LAMA2: variants seen among roughly 807,000 people sequenced by gnomAD.
LAMA2 encodes laminin subunit alpha-2.
LAMA2 carries 269 observed loss-of-function variants against 364.8 expected under a neutral mutation model. The ratio of observed to expected loss-of-function variants is 0.74; its 90% CI spans 0.67 to 0.82. The LOEUF is 0.82. Ranked by LOEUF, LAMA2 falls within the 40% of genes least tolerant of loss-of-function variation. The pLI, the probability that LAMA2 is intolerant of heterozygous loss-of-function variation, is 0.00. For synonymous variants in LAMA2, 1,379 were observed against 1,370.6 expected (o/e 1.01, Z -0.14); for missense variants, 3,807 against 3,873.2 (o/e 0.98, Z 0.45).
chr6:128,915,167 C>T (rs1778232336), intron 1 of LAMA2, among the ~76,000 whole-genome samples: 1 of 152,104 alleles, frequency 6.6e-6, no homozygotes, highest in Non-Finnish European at 1.5e-5. Context: ...GCTATGTACT[C>T]ACTATTTGGC....
chr6:129,091,234 T>A (rs1774805991), intron 3 of LAMA2, among the ~76,000 whole-genome samples: 1 of 152,196 alleles, frequency 6.6e-6, no homozygotes, highest in South Asian at 2.1e-4. Context: ...TCAAATACTG[T>A]CCCTTGAAGA....
In LAMA2 at chr6:129,437,517, C is replaced by G. The variant is rs528542067; in HGVS notation, c.5969-1129C>G. Among the ~76,000 whole-genome samples the G allele has an allele frequency of 2.6e-5, 4 of 152,012 alleles. No individual in the cohort carries two copies. The South Asian group carries it at 6.2e-4, about 24-fold the overall frequency. On this transcript the variant is annotated intron_variant, in intron 41 of 64. Coordinates refer to ENST00000421865, the MANE Select transcript of LAMA2 (RefSeq NM_000426.4). Reference sequence around the variant, plus strand: ...GGTCCTCCTCACTTGGGGACTCTGTCTTGTATTTACATGTTGCATTTCTGT... The same window carrying G: ...GGTCCTCCTCACTTGGGGACTCTGTGTTGTATTTACATGTTGCATTTCTGT...
intron 28 of LAMA2, among the ~76,000 whole-genome samples, chr6:129,324,938 G>A (rs1482925267): frequency 6.6e-6 from 1 of 152,138 alleles, no homozygotes; most frequent in Non-Finnish European, 1.5e-5. Flanking sequence ...TACATACAAA[G>A]TGGTGAAACA....
intron 3 of LAMA2, among the ~76,000 whole-genome samples, chr6:129,080,023 G>C (rs543112126): frequency 6.6e-6 from 1 of 151,992 alleles, no homozygotes; most frequent in Non-Finnish European, 1.5e-5. Context: ...TAATTTAAAT[G>C]TAACATATGA....
At chr6:129,192,127 G>A (rs1364066677) in intron 11 of LAMA2, among the ~76,000 whole-genome samples, 1 of 152,206 alleles carries the variant, frequency 6.6e-6, no homozygotes, top group African/African-American at 2.4e-5. Context: ...ATATCCTTAA[G>A]CCTCAAAGTA....
chr6:129,352,474 G>T (rs924053170), intron 31 of LAMA2, among the ~76,000 whole-genome samples: 7 of 152,280 alleles, frequency 4.6e-5, no homozygotes, highest in Middle Eastern at 3.4e-3. Flanking sequence ...ATGGCAAAAA[G>T]AAAAGATGAA....
At chr6:129,326,721 A>G (rs12332809) in intron 28 of LAMA2, among the ~76,000 whole-genome samples, 2,058 of 145,378 alleles carry the variant, frequency 0.014, 43 homozygotes, top group African/African-American at 0.044. Context: ...ACATATTTAT[A>G]TATTATATAT....
chr6:129,468,967 G>T (rs1290855653), intron 51 of LAMA2, among the ~76,000 whole-genome samples: 1 of 151,882 alleles, frequency 6.6e-6, no homozygotes, highest in East Asian at 1.9e-4. Context: ...GGTAGGAGGG[G>T]TGGAAGCAGT....
intron 8 of LAMA2, among the ~76,000 whole-genome samples, chr6:129,165,088 T>A (rs1415291828): frequency 6.6e-6 from 1 of 152,138 alleles, no homozygotes; most frequent in African/African-American, 2.4e-5. Flanking sequence ...ACACTCTGAT[T>A]TATAGTAGCA....
At chr6:129,481,133 T>G in intron 54 of LAMA2, 130 bp from the exon 55 acceptor site, 1 of 735,684 alleles carries the variant, frequency 1.4e-6, no homozygotes. Context: ...CTTTCCATGT[T>G]TTCCTGCTTT....
At chr6:128,989,638 T>C (rs1431913492) in intron 1 of LAMA2, among the ~76,000 whole-genome samples, 1 of 152,224 alleles carries the variant, frequency 6.6e-6, no homozygotes, top group Non-Finnish European at 1.5e-5. Context: ...AATGGTAACT[T>C]TATTCTTCAC....
chr6:128,883,801 TACAC>T (rs71543146), intron 1 of LAMA2, among the ~76,000 whole-genome samples: 11,047 of 135,726 alleles, frequency 0.081, 490 homozygotes, highest in Middle Eastern at 0.12. Context: ...TATATATATA[TACAC>T]ACACACACAC....
At chr6:129,394,487 A>G (rs1424832341) in intron 37 of LAMA2, among the ~76,000 whole-genome samples, 1 of 152,194 alleles carries the variant, frequency 6.6e-6, no homozygotes, top group Non-Finnish European at 1.5e-5. Context: ...TCATTCTGGT[A>G]GAATATTGAA....
At chr6:129,096,455 A>G (rs373414235) in intron 3 of LAMA2, among the ~76,000 whole-genome samples, 17 of 152,286 alleles carry the variant, frequency 1.1e-4, no homozygotes, top group African/African-American at 3.8e-4. Context: ...TCCTCTCCCA[A>G]AATGTCTTGG....
intron 61 of LAMA2, among the ~76,000 whole-genome samples, 184 bp downstream of exon 61, chr6:129,505,539 C>T (rs1279741495): frequency 1.3e-5 from 2 of 152,100 alleles, no homozygotes; most frequent in African/African-American, 4.8e-5. Flanking sequence ...GACAGAGTCT[C>T]GCTCTGTCGC....
At chr6:129,132,743 A>G (rs1777566328) in intron 4 of LAMA2, among the ~76,000 whole-genome samples, 1 of 152,212 alleles carries the variant, frequency 6.6e-6, no homozygotes, top group African/African-American at 2.4e-5. Flanking sequence ...TTCAAGGGTA[A>G]TGGCAACTAA....
rs1486415768 is a variant in LAMA2, at chr6:128,954,671, T to C, written c.112+71314T>C. Among the ~76,000 whole-genome samples, 3 of 152,100 alleles carry C rather than the reference T, an allele frequency of 2.0e-5. No homozygotes were observed. The East Asian group carries it at 5.8e-4, about 29-fold the overall frequency. On this transcript the variant is annotated intron_variant, in intron 1 of 64. Transcript: ENST00000421865. ...ATCTAACTACAGCAAAGCTCTGTTATTCTTCAGTACAGTACAACAGATAAG... is the reference window on the plus strand; with the variant it reads ...ATCTAACTACAGCAAAGCTCTGTTACTCTTCAGTACAGTACAACAGATAAG...
At chr6:129,229,889 T>C (rs1191981509) in intron 12 of LAMA2, among the ~76,000 whole-genome samples, 1 of 152,174 alleles carries the variant, frequency 6.6e-6, no homozygotes, top group Non-Finnish European at 1.5e-5. Flanking sequence ...TGAACTCAGC[T>C]TAGCTAATTA....
intron 3 of LAMA2, among the ~76,000 whole-genome samples, chr6:129,091,722 C>G (rs1056469989): frequency 6.6e-6 from 1 of 152,124 alleles, no homozygotes; most frequent in Non-Finnish European, 1.5e-5. Context: ...CCACATTATT[C>G]TAGGTTTATT....
Sources: allele counts gnomAD v4.1 joint callset (sites outside exome capture counted in the v4.1 genomes callset), GRCh38; gene constraint gnomAD v4.1.1; transcripts MANE v1.5; gene names NCBI Gene and HGNC (gene_info 2026-07-23, HGNC 2026-07-21).